KIRREL3: variants seen among roughly 807,000 people sequenced by gnomAD.
KIRREL3 encodes kin of IRRE-like protein 3.
Under a neutral mutation model 89.7 loss-of-function variants are expected in KIRREL3, and 36 were observed. The observed-to-expected ratio is 0.40, with a 90% CI of 0.31 to 0.53. The LOEUF (loss-of-function observed/expected upper bound fraction) is 0.53. KIRREL3 is among the 20% of genes least tolerant of loss of function. The probability of loss-of-function intolerance (pLI) is 0.49; values close to 1 mark genes in which losing one functional copy is unlikely to be tolerated. For missense variants in KIRREL3, 864 were observed against 1,056.6 expected, an observed-to-expected ratio of 0.82 and a Z score of 2.53; for synonymous variants, 445 against 441.4, an observed-to-expected ratio of 1.01 and a Z score of -0.10.
chr11:126,586,373 C>T (rs150633327), intron 1 of KIRREL3, among the ~76,000 whole-genome samples: 66 of 152,250 alleles, frequency 4.3e-4, no homozygotes, highest in African/African-American at 1.6e-3. Context: ...TAGTTACCTT[C>T]AAGTACGAAG....
chr11:126,473,256 A>AC, intron 5 of KIRREL3, 53 bp downstream of exon 5: 3 of 38,982 alleles, frequency 7.7e-5, no homozygotes, highest in South Asian at 4.6e-4. Flanking sequence ...CCCCCTCCCC[A>AC]CCCACTCCCC....
chr11:126,739,814 C>A lies in KIRREL3; in HGVS notation c.56-176902G>T, dbSNP rs1028182501. 6.6e-5 allele frequency among the ~76,000 whole-genome samples: 10 copies of A among 152,112 alleles called. No homozygotes were observed. Among genetic ancestry groups the A allele is most frequent in the Admixed American group, 3.3e-4 (5 of 15,272 alleles). On this transcript the variant is annotated intron_variant, in intron 1 of 16. Transcript: ENST00000525144. The surrounding 1 kb of genome is among the most constrained non-coding windows in gnomAD (Gnocchi z 5.5). Reference sequence around the variant, plus strand: ...TTTAAAAACCTCAGGGAGTTTTGGGCCAGCAAATAAAATGTGCTCCATTTT... The same window carrying A: ...TTTAAAAACCTCAGGGAGTTTTGGGACAGCAAATAAAATGTGCTCCATTTT...
rs959106357 is a variant in KIRREL3 at position 126,976,294 on chromosome 11, CAT to C, written c.55+24159_55+24160del. Among the ~76,000 whole-genome samples the C allele has an allele frequency of 3.3e-5, 5 of 152,114 alleles. No individual in the cohort carries two copies. Among genetic ancestry groups the C allele is most frequent in the African/African-American group, 1.2e-4 (5 of 41,426 alleles). On this transcript the variant is annotated intron_variant, in intron 1 of 16. Transcript: ENST00000525144. This position sits in a 1 kb window ranked among gnomAD's most constrained non-coding sequence, Gnocchi z 4.2. ...GAGACAGATTATGAAATTATAATGA[CAT>C]ATTATTTTTCTTAAATGAGATGTTA...
chr11:126,724,089 C>A lies in KIRREL3; in HGVS notation c.56-161177G>T, dbSNP rs977798878. ...GTCTTGCTTGGCTCTTTGTCAAAAC[C>A]AAGTCTCCTTCTGGAGATAGAGATG... On this transcript the variant is annotated intron_variant, in intron 1 of 16. Coordinates refer to ENST00000525144, the MANE Select transcript of KIRREL3 (RefSeq NM_032531.4). This position sits in a 1 kb window ranked among gnomAD's most constrained non-coding sequence, Gnocchi z 4.3. Among the ~76,000 whole-genome samples, 2 of 152,100 alleles carry A rather than the reference C, an allele frequency of 1.3e-5. No individual in the cohort carries two copies. The highest frequency in any genetic ancestry group is 4.8e-5 in the African/African-American group (2 of 41,406).
chr11:126,434,610 C>G (rs923279893), intron 13 of KIRREL3, among the ~76,000 whole-genome samples: 1 of 152,184 alleles, frequency 6.6e-6, no homozygotes, highest in African/African-American at 2.4e-5. Context: ...GGCCATAGAG[C>G]CTGGCTTGCT....
Position 126,441,055 on chromosome 11 carries a change from G to A in KIRREL3, c.1253-506C>T, listed in dbSNP as rs1955545908. Among the ~76,000 whole-genome samples, 1 of 152,236 alleles carries A rather than the reference G, an allele frequency of 6.6e-6. No individual in the cohort carries two copies. The highest frequency in any genetic ancestry group is 2.4e-5 in the African/African-American group (1 of 41,462). ...AAATGGGAGCTGCTCGGCCAGACGG[G>A]CCAACGGGAAGAAATGGTTGCTGTC... On this transcript the variant is annotated intron_variant, in intron 10 of 16. Transcript: ENST00000525144. The surrounding 1 kb of genome is among the most constrained non-coding windows in gnomAD (Gnocchi z 5.0).
rs1048458073 is a variant in KIRREL3 at position 126,475,572 on chromosome 11, C to T, written c.434-2106G>A. On this transcript the variant is annotated intron_variant, in intron 4 of 16. Transcript: ENST00000525144. The surrounding 1 kb of genome is among the most constrained non-coding windows in gnomAD (Gnocchi z 7.5). The stretch of plus-strand genomic sequence containing the variant: ...AGGGGCAGCGAGCCCCGGACTCCAC[C>T]GAGATCCTGGCTCAGGAACAGAGTC... 2.6e-5 allele frequency among the ~76,000 whole-genome samples: 4 copies of T among 152,228 alleles called. No homozygotes were observed. The highest frequency in any genetic ancestry group is 9.6e-5 in the African/African-American group (4 of 41,468).
At chr11:126,982,355 C>G (rs1949744207) in intron 1 of KIRREL3, among the ~76,000 whole-genome samples, 1 of 152,202 alleles carries the variant, frequency 6.6e-6, no homozygotes, top group South Asian at 2.1e-4. Flanking sequence ...GGCACATTGG[C>G]CTTCAGGCCT....
intron 1 of KIRREL3, among the ~76,000 whole-genome samples, chr11:126,617,418 A>G (rs1233742779): frequency 6.6e-6 from 1 of 152,248 alleles, no homozygotes; most frequent in African/African-American, 2.4e-5. Context: ...TGGAAAAGAA[A>G]TTCAAGGTTG....
chr11:126,679,401 G>A (rs7113610), intron 1 of KIRREL3, among the ~76,000 whole-genome samples: 127,169 of 152,276 alleles, frequency 0.84, 53,657 homozygotes, highest in East Asian at 1. Flanking sequence ...CAGCATATGC[G>A]TGTCCTTTGC....
chr11:126,665,184 C>A (rs1591913457), intron 1 of KIRREL3, among the ~76,000 whole-genome samples: 2 of 152,110 alleles, frequency 1.3e-5, no homozygotes, highest in Admixed American at 6.5e-5. Flanking sequence ...AAAACAGAGC[C>A]CATTAAAAAG....
At position 126,582,364 on chromosome 11, in the gene KIRREL3, C is replaced by T. The variant is rs143015365; in HGVS notation, c.56-19452G>A. Among the ~76,000 whole-genome samples the T allele has an allele frequency of 7.9e-5, 12 of 152,332 alleles. No individual in the cohort carries two copies. The East Asian group carries it at 2.1e-3, about 27-fold the overall frequency. ...AGGTGCCTTCACCAGCCTTGCTAAG[C>T]TCTGGTTTGTGTTTCTGCCTCTGGT... On this transcript the variant is annotated intron_variant, in intron 1 of 16. Coordinates refer to ENST00000525144, the MANE Select transcript of KIRREL3 (RefSeq NM_032531.4).
intron 1 of KIRREL3, among the ~76,000 whole-genome samples, chr11:126,986,254 CA>C (rs1949864214): frequency 6.6e-6 from 1 of 152,084 alleles, no homozygotes; most frequent in Admixed American, 6.5e-5. Context: ...GTGATGAGAA[CA>C]TTTTTTTTTA....
rs1163650705 is a variant in KIRREL3 at position 126,495,900 on chromosome 11, T to A, written c.434-22434A>T. Among the ~76,000 whole-genome samples the A allele has an allele frequency of 1.3e-5, 2 of 152,204 alleles. No individual in the cohort carries two copies. Among genetic ancestry groups the A allele is most frequent in the Non-Finnish European group, 2.9e-5 (2 of 68,040 alleles). On this transcript the variant is annotated intron_variant, in intron 4 of 16. Transcript: ENST00000525144. This position sits in a 1 kb window ranked among gnomAD's most constrained non-coding sequence, Gnocchi z 6.5. ...GGGATTGTCCTTGACTTGCCCTTTC[T>A]CTCGTATCCTAATTGCTGTGGGCTC...
chr11:126,628,687 G>A lies in KIRREL3; in HGVS notation c.56-65775C>T, dbSNP rs1943892215. ...ATAGAAACTGACTGTCATTCTCTCT[G>A]CCTCTCCTGAAAGACTAATACTAAG... On this transcript the variant is annotated intron_variant, in intron 1 of 16. Transcript: ENST00000525144. This position sits in a 1 kb window ranked among gnomAD's most constrained non-coding sequence, Gnocchi z 5.2. 6.6e-6 allele frequency among the ~76,000 whole-genome samples: 1 copy of A among 152,116 alleles called. No homozygotes were observed. Among genetic ancestry groups the A allele is most frequent in the Non-Finnish European group, 1.5e-5 (1 of 68,022 alleles).
At chr11:126,453,063 TCCC>T (rs1282843725) in intron 7 of KIRREL3, among the ~76,000 whole-genome samples, 1 of 58,218 alleles carries the variant, frequency 1.7e-5, no homozygotes, top group African/African-American at 6.6e-5. Flanking sequence ...CCCACCCACC[TCCC>T]CCAACTCACT....
rs1199605275 is a variant in KIRREL3, at chr11:126,708,781, T to A, written c.56-145869A>T. ...TTCACTAGCTTTCCTCCCTCCGCTC[T>A]CCAGCTCCCGTTCCTACCAAATGCA... On this transcript the variant is annotated intron_variant, in intron 1 of 16. Coordinates refer to ENST00000525144, the MANE Select transcript of KIRREL3 (RefSeq NM_032531.4). This position sits in a 1 kb window ranked among gnomAD's most constrained non-coding sequence, Gnocchi z 5.7. Among the ~76,000 whole-genome samples the A allele has an allele frequency of 6.6e-6, 1 of 152,188 alleles. No individual in the cohort carries two copies. Among genetic ancestry groups the A allele is most frequent in the Non-Finnish European group, 1.5e-5 (1 of 68,036 alleles).
chr11:126,731,030 C>T (rs183192408), intron 1 of KIRREL3, among the ~76,000 whole-genome samples: 288 of 152,290 alleles, frequency 1.9e-3, no homozygotes, highest in Middle Eastern at 0.014. Flanking sequence ...TGAGCCACCG[C>T]GCCCAGCCAA....
In KIRREL3 at chr11:126,761,417, A is replaced by G. The variant is rs1227882994; in HGVS notation, c.56-198505T>C. Among the ~76,000 whole-genome samples, 1 of 152,204 alleles carries G rather than the reference A, an allele frequency of 6.6e-6. No homozygotes were observed. Among genetic ancestry groups the G allele is most frequent in the Admixed American group, 6.5e-5 (1 of 15,282 alleles). On this transcript the variant is annotated intron_variant, in intron 1 of 16. Coordinates refer to ENST00000525144, the MANE Select transcript of KIRREL3 (RefSeq NM_032531.4). The surrounding 1 kb of genome is among the most constrained non-coding windows in gnomAD (Gnocchi z 4.4). ...TTGTCCCCAGCAAAGGGCAGTGTCC[A>G]GAGTCCATTCTTCCTGCCTCATCAC...
Sources: gnomAD v4.1 joint callset for allele counts (sites outside exome capture counted in the v4.1 genomes callset) on GRCh38, gnomAD v4.1.1 for gene constraint, Gnocchi (gnomAD v3.1) non-coding constraint, MANE v1.5 for transcripts, NCBI Gene and HGNC (gene_info 2026-07-23, HGNC 2026-07-21) for gene names.